Variants in PUS7L observed in about 807,000 individuals in gnomAD.
PUS7L encodes the protein pseudouridylate synthase PUS7L.
In PUS7L, 49 loss-of-function variants were observed where a neutral mutation model predicts 51.1. The observed-to-expected ratio is 0.96, with a 90% confidence interval of 0.76 to 1.22. PUS7L has a LOEUF of 1.22. Among genes scored for constraint, PUS7L ranks in the 50% most tolerant of loss-of-function variants. The pLI is 0.00. For synonymous variants in PUS7L, 277 were observed against 276.2 expected (o/e 1.00, Z -0.03); for missense variants, 828 against 820.6 (o/e 1.01, Z -0.11).
Position 43,725,815 on chromosome 12 carries a change from G to A in PUS7L, c.*4561C>T, listed in dbSNP as rs1565623874. The A allele has an allele frequency of 6.6e-6, 1 of 152,170 alleles. No individual in the cohort carries two copies. Among genetic ancestry groups the A allele is most frequent in the Non-Finnish European group, 1.5e-5 (1 of 68,036 alleles). 9.4% of individuals were successfully genotyped at this position (152,170 alleles called of 1,614,324 possible). On this transcript the variant is annotated 3_prime_UTR_variant, in exon 9 of 9. Coordinates refer to ENST00000344862, the MANE Select transcript of PUS7L (RefSeq NM_031292.5). ...ATTTTGTTTGACCTTGATTAGGTTAGTAAACTACTCAGGTATGTTTCCAAT... is the reference window on the plus strand; with the variant it reads ...ATTTTGTTTGACCTTGATTAGGTTAATAAACTACTCAGGTATGTTTCCAAT...
At chr12:43,756,895 G>A (rs1252870854) in intron 1 of PUS7L, among the ~76,000 whole-genome samples, 1 of 152,126 alleles carries the variant, frequency 6.6e-6, no homozygotes. Flanking sequence ...TCACAATCCA[G>A]TTTAAAACCC....
In PUS7L at chr12:43,746,215, A is replaced by G; in HGVS notation, c.1094T>C (p.Ile365Thr). 7.1e-7 allele frequency: 1 copy of G among 1,417,392 alleles called. No individual in the cohort carries two copies. The highest frequency in any genetic ancestry group is 1.5e-5 in the African/African-American group (1 of 68,426). The allele number at this position is 1,417,392 out of a possible 1,614,324, so 87.8% of individuals were successfully genotyped here. A position where few individuals can be genotyped will look rare whatever the true frequency, so the allele number is the denominator to read the frequency against. ...AAAGACATTCATTCTTTTCTTTTCA[A>G]TTTCTTTTTCAATATTTTTCAACCT... Reference protein sequence around the residue: ...PERLKNIEKEIEKKRMNVFNI... With the variant: ...PERLKNIEKETEKKRMNVFNI... The change falls in exon 4 of 9, where the codon ATT (isoleucine) becomes ACT (threonine). Residue 365 changes from isoleucine to threonine, a missense_variant. By Grantham distance (89) the Ile-to-Thr change is moderately conservative (BLOSUM62 -1). Coordinates refer to ENST00000344862, the MANE Select transcript of PUS7L (RefSeq NM_031292.5).
intron 4 of PUS7L, 58 bp from the exon 5 acceptor site, chr12:43,742,613 A>C: frequency 6.7e-7 from 1 of 1,492,354 alleles, no homozygotes; most frequent in Non-Finnish European, 9.0e-7. Context: ...ATGTGTCAAA[A>C]TACACAATTG....
Position 43,748,559 on chromosome 12 carries a change from A to C in PUS7L, c.961T>G (p.Leu321Val). Residue 321 changes from leucine (L) to valine (V), a missense_variant, in exon 3 of 9, where the codon TTA becomes GTA. Physicochemically the swap from Leu to Val is conservative, Grantham distance 32. Transcript: ENST00000344862. ...NLEMFEAIGF[L>V]AIKLGVIPSD... Reference sequence around the variant, plus strand: ...GGAATAACACCAAGTTTGATAGCTAAAAAACCAATCGCTTCAAACATTTCC... The same window carrying C: ...GGAATAACACCAAGTTTGATAGCTACAAAACCAATCGCTTCAAACATTTCC... 6.2e-7 allele frequency: 1 copy of C among 1,609,078 alleles called. No individual in the cohort carries two copies. Among genetic ancestry groups the C allele is most frequent in the Non-Finnish European group, 8.5e-7 (1 of 1,178,776 alleles).
rs1246331105 is a variant in PUS7L, at chr12:43,719,302, C to T, written c.*11074G>A. 6.6e-6 allele frequency: 1 copy of T among 152,026 alleles called. No homozygotes were observed. The highest frequency in any genetic ancestry group is 6.6e-5 in the Admixed American group (1 of 15,258). The allele number at this position is 152,026 out of a possible 1,614,324, so 9.4% of individuals were successfully genotyped here. ...ACATAAAATTCAAAATCAGACAAAA[C>T]TGTGTATTTTTTAGGAATGAATACA... On this transcript the variant is annotated 3_prime_UTR_variant, in exon 9 of 9. Transcript: ENST00000344862.
At chr12:43,757,242 C>G (rs1371802400) in intron 1 of PUS7L, among the ~76,000 whole-genome samples, 1 of 152,192 alleles carries the variant, frequency 6.6e-6, no homozygotes, top group Non-Finnish European at 1.5e-5. Context: ...ATGATCTCGG[C>G]TCACTGCAAC....
chr12:43,733,054 C>T (rs1171871983), intron 7 of PUS7L, among the ~76,000 whole-genome samples: 1 of 152,096 alleles, frequency 6.6e-6, no homozygotes, highest in Non-Finnish European at 1.5e-5. Flanking sequence ...TTAAAGAATT[C>T]CCTCCAGGTT....
rs1176199609 is a variant in PUS7L at position 43,719,035 on chromosome 12, C to T, written c.*11341G>A. 4 of 151,212 alleles carry T rather than the reference C, an allele frequency of 2.6e-5. No individual in the cohort carries two copies. The highest frequency in any genetic ancestry group is 9.7e-5 in the African/African-American group (4 of 41,148). 9.4% of individuals were successfully genotyped at this position (151,212 alleles called of 1,614,324 possible). ...TTCTTGCATTCTAAAAAATTTGATA[C>T]ATAACAATATAAAAGTCCTTAAAAT... On this transcript the variant is annotated 3_prime_UTR_variant, in exon 9 of 9. Transcript: ENST00000344862.
At chr12:43,738,425 G>T in intron 5 of PUS7L, 34 bp from the exon 6 acceptor site, 1 of 1,094,164 alleles carries the variant, frequency 9.1e-7, no homozygotes, top group Non-Finnish European at 1.4e-6. Flanking sequence ...ATGTGTTAAT[G>T]AAAATGTCAA....
intron 5 of PUS7L, among the ~76,000 whole-genome samples, chr12:43,741,958 TA>T (rs200965367): frequency 0.011 from 1,679 of 152,280 alleles, 28 homozygotes; most frequent in African/African-American, 0.037. Flanking sequence ...TAATTACATA[TA>T]AAAAATATAA....
At position 43,730,091 on chromosome 12, in the gene PUS7L, A is replaced by G; in HGVS notation, c.*285T>C. The G allele has an allele frequency of 3.1e-6, 1 of 325,624 alleles. No individual in the cohort carries two copies. The allele number at this position is 325,624 out of a possible 1,614,324, so 20.2% of individuals were successfully genotyped here. A position where few individuals can be genotyped will look rare whatever the true frequency, so the allele number is the denominator to read the frequency against. The stretch of plus-strand genomic sequence containing the variant: ...ATCTTGCAGTATTATATATATTCCT[A>G]ATGGTTTTAAAAGATTGTAACTTTA... On this transcript the variant is annotated 3_prime_UTR_variant, in exon 9 of 9. Coordinates refer to ENST00000344862, the MANE Select transcript of PUS7L (RefSeq NM_031292.5).
rs941325305 is a variant in PUS7L, at chr12:43,743,342, G to A, written c.1264-787C>T. Among the ~76,000 whole-genome samples, 8 of 152,342 alleles carry A rather than the reference G, an allele frequency of 5.3e-5. No homozygotes were observed. The East Asian group carries it at 1.2e-3, about 22-fold the overall frequency. ...CCTCCACACTTACTTTATGAGGAGA[G>A]TATGCATTTATTCAGTCAACAATTA... On this transcript the variant is annotated intron_variant, in intron 4 of 8. Coordinates refer to ENST00000344862, the MANE Select transcript of PUS7L (RefSeq NM_031292.5).
rs1419317217 is a variant in PUS7L, at chr12:43,720,033, T to G, written c.*10343A>C. The G allele has an allele frequency of 1.3e-5, 2 of 152,228 alleles. No homozygotes were observed. Among genetic ancestry groups the G allele is most frequent in the African/African-American group, 2.4e-5 (1 of 41,462 alleles). The allele number at this position is 152,228 out of a possible 1,614,324, so 9.4% of individuals were successfully genotyped here. ...TAACTTCTTTAGATGGGTGCATAGC[T>G]ACATAATGTACAGACTTCCTTCTTT... On this transcript the variant is annotated 3_prime_UTR_variant, in exon 9 of 9. Coordinates refer to ENST00000344862, the MANE Select transcript of PUS7L (RefSeq NM_031292.5).
In PUS7L at chr12:43,754,730, C is replaced by G; in HGVS notation, c.516G>C (p.Arg172Ser). Residue 172 changes from arginine to serine, a missense_variant, in exon 2 of 9, where the codon AGG (arginine) becomes AGC (serine). By Grantham distance (110) the Arg-to-Ser change is moderately radical. Coordinates refer to ENST00000344862, the MANE Select transcript of PUS7L (RefSeq NM_031292.5). Reference sequence around the variant, plus strand: ...GCCTAATGGCACTGTGTAAACTAGCCCTCTGGTTTTTGTCAAGGATTCTGC... The same window carrying G: ...GCCTAATGGCACTGTGTAAACTAGCGCTCTGGTTTTTGTCAAGGATTCTGC... ...SIGRILDKNQ[R>S]ASLHSAIRQK... The G allele has an allele frequency of 6.2e-7, 1 of 1,613,874 alleles. No individual in the cohort carries two copies. The highest frequency in any genetic ancestry group is 8.5e-7 in the Non-Finnish European group (1 of 1,179,892).
chr12:43,754,887 T>TC lies in PUS7L; in HGVS notation c.358dup (p.Glu120GlyfsTer4). ...AAAGGAGCTTAAAACATCAGCTTTT[T>TC]CTTCACATTTGGAAGTTCCATCAAC... On this transcript the variant is annotated frameshift_variant, in exon 2 of 9. Transcript: ENST00000344862. LOFTEE classifies it high-confidence loss of function. 2 of 1,613,802 alleles carry TC rather than the reference T, an allele frequency of 1.2e-6. No homozygotes were observed. The highest frequency in any genetic ancestry group is 2.7e-5 in the African/African-American group (2 of 75,042).
Position 43,736,501 on chromosome 12 carries a change from G to T in PUS7L, c.1605C>A (p.Thr535=), listed in dbSNP as rs998039169. The T allele has an allele frequency of 5.0e-6, 8 of 1,614,032 alleles. No individual in the cohort carries two copies. The Middle Eastern group carries it at 4.9e-4, about 99-fold the overall frequency. ...SMRIFYVHAY[T]SKIWNEAVSY... ...ATACTGCCTCATTCCAAATTTTGCT[G>T]GTATATGCGTGAACATAGAATATGC... The change falls in exon 7 of 9, where the codon ACC becomes ACA. Residue 535 remains threonine, a synonymous_variant. Transcript: ENST00000344862.
At chr12:43,738,246 T>C (rs1937706604) in intron 6 of PUS7L, 64 bp downstream of exon 6, 2 of 860,398 alleles carry the variant, frequency 2.3e-6, no homozygotes, top group Non-Finnish European at 4.0e-6. Context: ...CTCCTGCTGA[T>C]AAAACATTTA....
chr12:43,741,215 A>G (rs2137700015), intron 5 of PUS7L: 1 of 152,298 alleles, frequency 6.6e-6, no homozygotes, highest in Middle Eastern at 3.4e-3. Context: ...GTTATGAGAA[A>G]CAGGACATTC....
At chr12:43,731,837 A>G (rs2137663215) in intron 7 of PUS7L, 79 bp from the exon 8 acceptor site, 1 of 805,238 alleles carries the variant, frequency 1.2e-6, no homozygotes, top group Non-Finnish European at 2.1e-6. Flanking sequence ...CCCTAACTCT[A>G]TTATATATAA....
Sources: gnomAD v4.1 joint callset for allele counts (sites outside exome capture counted in the v4.1 genomes callset) on GRCh38, gnomAD v4.1.1 for gene constraint, MANE v1.5 for transcripts, NCBI Gene and HGNC (gene_info 2026-07-23, HGNC 2026-07-21) for gene names.